The following SMPD3 variants were observed in gnomAD, a reference collection of about 807,000 sequenced individuals.
The protein encoded by SMPD3 is sphingomyelin phosphodiesterase 3, also known as nSMase-2.
In SMPD3, 21 loss-of-function variants were observed where a neutral mutation model predicts 55.7. The ratio of observed to expected loss-of-function variants is 0.38; its 90% CI spans 0.27 to 0.54. The LOEUF is 0.54. Ranked by LOEUF, SMPD3 falls within the 20% of genes least tolerant of loss-of-function variation. The pLI is 0.80. For synonymous variants in SMPD3, 457 were observed against 404.3 expected, an observed-to-expected ratio of 1.13 and a Z score of -1.56; for missense variants, 842 against 899.6, an observed-to-expected ratio of 0.94 and a Z score of 0.82.
rs1597606519 is a variant in SMPD3 at position 68,371,653 on chromosome 16, T to G, written c.529A>C (p.Thr177Pro). 6.4e-7 allele frequency: 1 copy of G among 1,563,174 alleles called. No homozygotes were observed. The highest frequency in any genetic ancestry group is 8.7e-7 in the Non-Finnish European group (1 of 1,155,012). ...CTGAAGCTAGCGGCGCTGATGGAGG[T>G]ATTGGTGGGGGAGTCGATGTAAATT... Reference protein sequence around the residue: ...IKIYIDSPTNTSISAASFSSL... With the variant: ...IKIYIDSPTNPSISAASFSSL... Residue 177 changes from threonine to proline, a missense_variant, in exon 3 of 9, where the codon ACC becomes CCC. This residue lies in a region of SMPD3 where 193 missense variants were observed against 256.0 expected (regional missense o/e 0.75). Transcript: ENST00000219334.
At chr16:68,391,086 A>C (rs1177090310) in intron 1 of SMPD3, among the ~76,000 whole-genome samples, 3 of 152,248 alleles carry the variant, frequency 2.0e-5, no homozygotes, top group Non-Finnish European at 4.4e-5. Flanking sequence ...TGCTTGAAAA[A>C]ATTCTGCCCT....
At chr16:68,401,198 G>A (rs1313502489) in intron 1 of SMPD3, among the ~76,000 whole-genome samples, 8 of 152,174 alleles carry the variant, frequency 5.3e-5, no homozygotes, top group African/African-American at 1.4e-4. Context: ...GCATCCCTGC[G>A]TCTCACCCCT....
chr16:68,441,638 A>C (rs896647900), intron 1 of SMPD3, among the ~76,000 whole-genome samples: 10 of 152,138 alleles, frequency 6.6e-5, no homozygotes, highest in Admixed American at 5.9e-4. Context: ...CTTATAGCAC[A>C]TCTTAATTGC....
rs1301119939 is a variant in SMPD3 at position 68,363,394 on chromosome 16, T to A, written c.1709+102A>T. 17 of 1,328,722 alleles carry A rather than the reference T, an allele frequency of 1.3e-5. No individual in the cohort carries two copies. The Admixed American group carries it at 3.1e-4, about 24-fold the overall frequency. The allele number at this position is 1,328,722 out of a possible 1,614,324, so 82.3% of individuals were successfully genotyped here. A position where few individuals can be genotyped will look rare whatever the true frequency, so the allele number is the denominator to read the frequency against. ...ACAGGTTTCTGCCAAATAAAAGCCCTCATGAGCCCGAGCTGAGCTCTCCCA... is the reference window on the plus strand; with the variant it reads ...ACAGGTTTCTGCCAAATAAAAGCCCACATGAGCCCGAGCTGAGCTCTCCCA... On this transcript the variant is annotated intron_variant, in intron 7 of 8. Transcript: ENST00000219334.
At position 68,361,589 on chromosome 16, in the gene SMPD3, C is replaced by G; in HGVS notation, c.1866+14G>C. The G allele has an allele frequency of 6.2e-7, 1 of 1,604,956 alleles. No homozygotes were observed. Among genetic ancestry groups the G allele is most frequent in the Non-Finnish European group, 8.5e-7 (1 of 1,179,776 alleles). On this transcript the variant is annotated intron_variant, in intron 8 of 8. Coordinates refer to ENST00000219334, the MANE Select transcript of SMPD3 (RefSeq NM_018667.4). ...TCTTTGCATGGCCCTGGCTGCTGGGCCCTCCTGACTCACGGCCTTCCAGTC... is the reference window on the plus strand; with the variant it reads ...TCTTTGCATGGCCCTGGCTGCTGGGGCCTCCTGACTCACGGCCTTCCAGTC...
At chr16:68,377,335 G>C (rs1207683997) in intron 2 of SMPD3, among the ~76,000 whole-genome samples, 1 of 152,172 alleles carries the variant, frequency 6.6e-6, no homozygotes, top group East Asian at 1.9e-4. Context: ...AGGGGAAGAA[G>C]TGAACAAGTC....
intron 5 of SMPD3, among the ~76,000 whole-genome samples, chr16:68,364,155 C>T (rs1488119685): frequency 2.0e-5 from 3 of 151,788 alleles, no homozygotes; most frequent in Admixed American, 2.0e-4. Flanking sequence ...AAGGTCCCCA[C>T]AAGGTCCATG....
rs2152013896 is a variant in SMPD3, at chr16:68,404,268, T to C, written c.-268-17609A>G. Among the ~76,000 whole-genome samples the C allele has an allele frequency of 6.6e-6, 1 of 151,360 alleles. No individual in the cohort carries two copies. Among genetic ancestry groups the C allele is most frequent in the African/African-American group, 2.4e-5 (1 of 41,216 alleles). On this transcript the variant is annotated intron_variant, in intron 1 of 8. Coordinates refer to ENST00000219334, the MANE Select transcript of SMPD3 (RefSeq NM_018667.4). This position sits in a 1 kb window ranked among gnomAD's most constrained non-coding sequence, Gnocchi z 4.0. ...GGCATGTGCTACCATGCCTGGCTAA[T>C]TTTGTATTTTTAGTAGAGATGGGGT...
In SMPD3 at chr16:68,371,173, T is replaced by C. The variant is rs768370116; in HGVS notation, c.1009A>G (p.Arg337Gly). The change falls in exon 3 of 9, where the codon AGG (arginine) becomes GGG (glycine). Residue 337 changes from arginine (R) to glycine (G), a missense_variant. This residue lies in a region of SMPD3 where 649 missense variants were observed against 643.6 expected (regional missense o/e 1.01). Coordinates refer to ENST00000219334, the MANE Select transcript of SMPD3 (RefSeq NM_018667.4). ...ASVVKKAAAR[R>G]RRHPDEAFDH... is the part of the protein sequence containing the mutation. ...AAGGCCTCGTCGGGGTGCCGCCTCC[T>C]GCGTGCAGCCGCCTTCTTCACCACC... 2 of 1,612,860 alleles carry C rather than the reference T, an allele frequency of 1.2e-6. No homozygotes were observed. Among genetic ancestry groups the C allele is most frequent in the Non-Finnish European group, 1.7e-6 (2 of 1,179,826 alleles).
At chr16:68,396,154 A>T (rs1447735355) in intron 1 of SMPD3, among the ~76,000 whole-genome samples, 1 of 152,136 alleles carries the variant, frequency 6.6e-6, no homozygotes, top group Non-Finnish European at 1.5e-5. Flanking sequence ...CGTGGCTGTC[A>T]CCGCCACCAG....
chr16:68,401,480 G>C (rs555600490), intron 1 of SMPD3, among the ~76,000 whole-genome samples: 1 of 152,166 alleles, frequency 6.6e-6, no homozygotes, highest in South Asian at 2.1e-4. Context: ...AGGGGCTGGG[G>C]CGTAAGTGGG....
intron 3 of SMPD3, among the ~76,000 whole-genome samples, chr16:68,367,160 G>A (rs899666583): frequency 6.6e-6 from 1 of 152,184 alleles, no homozygotes; most frequent in Admixed American, 6.5e-5. Context: ...GACAGAATGA[G>A]ACTGTCTCAA....
chr16:68,368,351 G>C (rs2089548405), intron 3 of SMPD3: 1 of 152,088 alleles, frequency 6.6e-6, no homozygotes, highest in Non-Finnish European at 1.5e-5. Flanking sequence ...CAGGGGGGCG[G>C]GAGGTGGTAC....
Position 68,372,131 on chromosome 16 carries a change from G to C in SMPD3, c.51C>G (p.His17Gln), listed in dbSNP as rs1321818559. The change falls in exon 3 of 9, where the codon CAC (histidine) becomes CAG (glutamine). Residue 17 changes from histidine to glutamine, a missense_variant. By Grantham distance (24) the His-to-Gln change is conservative (BLOSUM62 0). Transcript: ENST00000219334. ...PFPNSCLSALHCVSWALIFPC... is the reference protein window; with the variant it reads ...PFPNSCLSALQCVSWALIFPC... ...GAAAGATAAGGGCCCAGGACACACA[G>C]TGCAGGGCGGACAGACAGCTGTTAG... 1 of 1,612,914 alleles carries C rather than the reference G, an allele frequency of 6.2e-7. No individual in the cohort carries two copies. Among genetic ancestry groups the C allele is most frequent in the South Asian group, 1.1e-5 (1 of 90,704 alleles).
rs1597573980 is a variant in SMPD3 at position 68,360,433 on chromosome 16, T to A, written c.*773A>T. 6.6e-6 allele frequency: 1 copy of A among 151,860 alleles called. No homozygotes were observed. The highest frequency in any genetic ancestry group is 1.5e-5 in the Non-Finnish European group (1 of 67,966). The allele number at this position is 151,860 out of a possible 1,614,324, so 9.4% of individuals were successfully genotyped here. ...GGAGGCTCCCGGAGGAGGCCCAGGG[T>A]GCCAGAGCCTGCCAGACTCTGTTGT... On this transcript the variant is annotated 3_prime_UTR_variant, in exon 9 of 9. Transcript: ENST00000219334.
At chr16:68,435,844 C>A (rs2090519255) in intron 1 of SMPD3, among the ~76,000 whole-genome samples, 1 of 152,196 alleles carries the variant, frequency 6.6e-6, no homozygotes, top group Non-Finnish European at 1.5e-5. Flanking sequence ...ATGGCAGGGC[C>A]AGCCTGGCTA....
At chr16:68,442,074 C>T (rs1004747354) in intron 1 of SMPD3, among the ~76,000 whole-genome samples, 1 of 152,200 alleles carries the variant, frequency 6.6e-6, no homozygotes, top group East Asian at 1.9e-4. Flanking sequence ...GCTATTTCAA[C>T]TTAAAATTTG....
chr16:68,414,992 G>A (rs2090328762), intron 1 of SMPD3, among the ~76,000 whole-genome samples: 1 of 152,150 alleles, frequency 6.6e-6, no homozygotes, highest in South Asian at 2.1e-4. Flanking sequence ...GGCCTCATCT[G>A]AGACGGAATG....
rs2089189389 is a variant in SMPD3, at chr16:68,360,449, ACT to A, written c.*755_*756del. 6.6e-6 allele frequency: 1 copy of A among 152,160 alleles called. No individual in the cohort carries two copies. The highest frequency in any genetic ancestry group is 2.4e-5 in the African/African-American group (1 of 41,342). The allele number at this position is 152,160 out of a possible 1,614,324, so 9.4% of individuals were successfully genotyped here. On this transcript the variant is annotated 3_prime_UTR_variant, in exon 9 of 9. Coordinates refer to ENST00000219334, the MANE Select transcript of SMPD3 (RefSeq NM_018667.4). The stretch of plus-strand genomic sequence containing the variant: ...GGCCCAGGGTGCCAGAGCCTGCCAG[ACT>A]CTGTTGTGCCTGAGCTGGGGAAGGG...
Sources: allele counts gnomAD v4.1 joint callset (sites outside exome capture counted in the v4.1 genomes callset), GRCh38; gene constraint gnomAD v4.1.1; regional missense constraint gnomAD v4.1.1; non-coding constraint Gnocchi (gnomAD v3.1); transcripts MANE v1.5; gene names NCBI Gene and HGNC (gene_info 2026-07-23, HGNC 2026-07-21).